The following PLXNC1 variants were observed in gnomAD, a reference collection of about 807,000 sequenced individuals.
PLXNC1 encodes the protein plexin-C1.
A neutral mutation model predicts 178.2 loss-of-function variants in PLXNC1; 75 were observed. The observed-to-expected ratio is 0.42, with a 90% CI of 0.35 to 0.51. The LOEUF is 0.51. Among genes scored for constraint, PLXNC1 ranks in the 20% least tolerant of loss-of-function variants. The pLI is 0.02. For missense variants in PLXNC1, 1,503 were observed against 1,984.4 expected, an observed-to-expected ratio of 0.76 and a Z score of 4.61; for synonymous variants, 790 against 779.9, an observed-to-expected ratio of 1.01 and a Z score of -0.22.
intron 4 of PLXNC1, among the ~76,000 whole-genome samples, chr12:94,207,061 C>T (rs1348276730): frequency 6.6e-6 from 1 of 152,168 alleles, no homozygotes; most frequent in African/African-American, 2.4e-5. Flanking sequence ...GAGTAATATG[C>T]TGTCATGAAG....
At chr12:94,287,006 C>A (rs1030952939) in intron 23 of PLXNC1, among the ~76,000 whole-genome samples, 2 of 152,182 alleles carry the variant, frequency 1.3e-5, no homozygotes, top group African/African-American at 4.8e-5. Flanking sequence ...CCTTGGCAAC[C>A]CCCAGCACCG....
intron 9 of PLXNC1, among the ~76,000 whole-genome samples, chr12:94,230,316 C>T (rs575919867): frequency 2.0e-5 from 3 of 152,248 alleles, no homozygotes; most frequent in South Asian, 2.1e-4. Flanking sequence ...GTCCAGGCAG[C>T]GGCTTTTTAA....
chr12:94,162,380 A>G (rs965590400), intron 1 of PLXNC1, among the ~76,000 whole-genome samples: 2 of 152,196 alleles, frequency 1.3e-5, no homozygotes, highest in African/African-American at 4.8e-5. Flanking sequence ...CAGGAGGAGA[A>G]GAATGGCAAG....
At chr12:94,226,882 G>C (rs1565819371) in intron 8 of PLXNC1, among the ~76,000 whole-genome samples, 175 bp downstream of exon 8, 2 of 152,160 alleles carry the variant, frequency 1.3e-5, no homozygotes, top group African/African-American at 4.8e-5. Flanking sequence ...AGTTAGTGGG[G>C]TGTGGTGGCG....
chr12:94,195,395 C>T (rs567028161), intron 4 of PLXNC1, among the ~76,000 whole-genome samples: 8 of 151,998 alleles, frequency 5.3e-5, no homozygotes, highest in Non-Finnish European at 1.0e-4. Context: ...AGAGGTAGTA[C>T]GTCTCCCAGT....
intron 7 of PLXNC1, among the ~76,000 whole-genome samples, chr12:94,225,782 G>A (rs1010665789): frequency 1.3e-5 from 2 of 152,186 alleles, no homozygotes; most frequent in African/African-American, 2.4e-5. Flanking sequence ...GGTAGAAGAA[G>A]CGAGCAAATC....
At chr12:94,276,091 A>G (rs1965937025) in intron 21 of PLXNC1, among the ~76,000 whole-genome samples, 1 of 152,156 alleles carries the variant, frequency 6.6e-6, no homozygotes, top group African/African-American at 2.4e-5. Flanking sequence ...TTTTAAAAAG[A>G]ACATTTATTG....
In PLXNC1 at chr12:94,306,552, A is replaced by T. The variant is rs545441695; in HGVS notation, c.*1267A>T. The T allele has an allele frequency of 1.3e-4, 20 of 152,340 alleles. No homozygotes were observed. The highest frequency in any genetic ancestry group is 3.9e-4 in the Admixed American group (6 of 15,294). 9.4% of individuals were successfully genotyped at this position (152,340 alleles called of 1,614,324 possible). A position where few individuals can be genotyped will look rare whatever the true frequency, so the allele number is the denominator to read the frequency against. ...TCCTTCTATTAAACCAGAAGAAGTA[A>T]ACAGCATAATTGGCAACTCTTGAGC... On this transcript the variant is annotated 3_prime_UTR_variant, in exon 31 of 31. Transcript: ENST00000258526.
chr12:94,259,899 CA>C (rs67260160), intron 19 of PLXNC1, among the ~76,000 whole-genome samples, 165 bp downstream of exon 19: 44,599 of 114,074 alleles, frequency 0.39, 6,874 homozygotes, highest in African/African-American at 0.49. Flanking sequence ...CTTGTCTCTA[CA>C]AAAAAAAAAA....
intron 10 of PLXNC1, among the ~76,000 whole-genome samples, chr12:94,239,630 G>T (rs1964327718): frequency 1.3e-5 from 2 of 152,220 alleles, no homozygotes; most frequent in African/African-American, 4.8e-5. Flanking sequence ...TGCTTTAGAG[G>T]ATCATTGTAG....
intron 4 of PLXNC1, among the ~76,000 whole-genome samples, chr12:94,202,776 G>A (rs1267945642): frequency 1.3e-5 from 2 of 152,184 alleles, no homozygotes; most frequent in African/African-American, 4.8e-5. Context: ...TTGCAGTCTA[G>A]AGAGATAGAC....
At chr12:94,223,699 A>G (rs751661371) in intron 6 of PLXNC1, among the ~76,000 whole-genome samples, 1 of 152,222 alleles carries the variant, frequency 6.6e-6, no homozygotes, top group African/African-American at 2.4e-5. Context: ...TCAAAGGCAA[A>G]TAAGAAAACC....
rs1406240556 is a variant in PLXNC1 at position 94,148,880 on chromosome 12, A to ACCG, written c.-77_-75dup. 5.2e-5 allele frequency: 13 copies of ACCG among 251,012 alleles called. No homozygotes were observed. In the East Asian group the frequency reaches 1.3e-3, roughly 24 times the overall value. 15.5% of individuals were successfully genotyped at this position (251,012 alleles called of 1,614,324 possible). On this transcript the variant is annotated 5_prime_UTR_variant, in exon 1 of 31. Coordinates refer to ENST00000258526, the MANE Select transcript of PLXNC1 (RefSeq NM_005761.3). This position sits in a 1 kb window ranked among gnomAD's most constrained non-coding sequence, Gnocchi z 4.8. ...CGCGGGAGCCCGAGCGCGCGCAGGA[A>ACCG]CCGCCGCCGCCGCCGCCCGCGTCTC...
chr12:94,233,199 C>A (rs753072949), intron 9 of PLXNC1, among the ~76,000 whole-genome samples: 2 of 152,142 alleles, frequency 1.3e-5, no homozygotes, highest in Admixed American at 1.3e-4. Context: ...GACCCAGACA[C>A]GGCTGGGCAT....
intron 9 of PLXNC1, among the ~76,000 whole-genome samples, chr12:94,237,408 CTTTTCAACTGTA>C (rs1232527757): frequency 6.6e-6 from 1 of 152,196 alleles, no homozygotes; most frequent in Non-Finnish European, 1.5e-5. Context: ...GAATATCAGA[CTTTTCAACTGTA>C]TTTTCAACTG....
At chr12:94,210,053 G>A (rs1963420793) in intron 5 of PLXNC1, among the ~76,000 whole-genome samples, 1 of 152,116 alleles carries the variant, frequency 6.6e-6, no homozygotes, top group African/African-American at 2.4e-5. Flanking sequence ...AAGAGGTTCA[G>A]ATTCATGGTC....
chr12:94,305,345 C>T lies in PLXNC1; in HGVS notation c.*60C>T. ...TTCAGACGACTTGGGAGCAAAATGG[C>T]TGCTTGAGCTACTCTGTGTCGTTAA... On this transcript the variant is annotated 3_prime_UTR_variant, in exon 31 of 31. Transcript: ENST00000258526. The T allele has an allele frequency of 2.2e-6, 2 of 918,212 alleles. No homozygotes were observed. Among genetic ancestry groups the T allele is most frequent in the Non-Finnish European group, 3.5e-6 (2 of 570,414 alleles). The allele number at this position is 918,212 out of a possible 1,614,324, so 56.9% of individuals were successfully genotyped here. A position where few individuals can be genotyped will look rare whatever the true frequency, so the allele number is the denominator to read the frequency against.
chr12:94,274,592 G>C (rs1965800900), intron 21 of PLXNC1, among the ~76,000 whole-genome samples: 1 of 152,228 alleles, frequency 6.6e-6, no homozygotes, highest in East Asian at 1.9e-4. Context: ...CCTCTAAACA[G>C]AGGGCAGATT....
At chr12:94,165,604 G>A (rs1961581329) in intron 1 of PLXNC1, among the ~76,000 whole-genome samples, 1 of 149,250 alleles carries the variant, frequency 6.7e-6, no homozygotes, top group Non-Finnish European at 1.5e-5. Context: ...CCAACAAGTT[G>A]TGATTGTCAT....
Sources: allele counts gnomAD v4.1 joint callset (sites outside exome capture counted in the v4.1 genomes callset), GRCh38; gene constraint gnomAD v4.1.1; non-coding constraint Gnocchi (gnomAD v3.1); transcripts MANE v1.5; gene names NCBI Gene and HGNC (gene_info 2026-07-23, HGNC 2026-07-21).